Variants in KCNN2 observed in about 807,000 individuals in gnomAD.
KCNN2 encodes the protein potassium calcium-activated channel subfamily N member 2.
In KCNN2, 24 loss-of-function variants were observed where a neutral mutation model predicts 55.5. That is an observed-to-expected ratio of 0.43 (90% CI 0.31 to 0.61). The LOEUF is 0.61. Among genes scored for constraint, KCNN2 ranks in the 20% least tolerant of loss-of-function variants. KCNN2 has a pLI of 0.08. For missense variants in KCNN2, 754 were observed against 853.6 expected, an observed-to-expected ratio of 0.88 and a Z score of 1.45; for synonymous variants, 431 against 336.1, an observed-to-expected ratio of 1.28 and a Z score of -3.09.
At chr5:114,400,470 A>G (rs953616543) in intron 2 of KCNN2, among the ~76,000 whole-genome samples, 1 of 152,202 alleles carries the variant, frequency 6.6e-6, no homozygotes, top group African/African-American at 2.4e-5. Context: ...CCAGAGCAGT[A>G]TGGGTGAGCC....
intron 1 of KCNN2, among the ~76,000 whole-genome samples, chr5:114,057,384 G>C (rs1157090551): frequency 1.3e-5 from 2 of 152,204 alleles, no homozygotes; most frequent in Admixed American, 1.3e-4. Flanking sequence ...CTCAGAAACA[G>C]ATGATTAAGT....
At chr5:114,086,997 C>G (rs1052946406) in intron 1 of KCNN2, among the ~76,000 whole-genome samples, 1 of 144,220 alleles carries the variant, frequency 6.9e-6, no homozygotes, top group East Asian at 1.9e-4. Context: ...GAGATGGTAT[C>G]TCATCGTGGT....
intron 2 of KCNN2, among the ~76,000 whole-genome samples, chr5:114,382,481 G>C (rs1489140930): frequency 6.6e-6 from 1 of 152,134 alleles, no homozygotes; most frequent in Non-Finnish European, 1.5e-5. Context: ...TTACTCTCTA[G>C]TCTCGTGTTT....
intron 1 of KCNN2, among the ~76,000 whole-genome samples, chr5:114,156,385 G>A (rs1170874777): frequency 6.6e-6 from 1 of 152,044 alleles, no homozygotes. Context: ...GGTTCCCTAT[G>A]AATTTTAAAA....
At chr5:114,322,040 G>A (rs1267733743) in intron 2 of KCNN2, among the ~76,000 whole-genome samples, 1 of 152,180 alleles carries the variant, frequency 6.6e-6, no homozygotes, top group African/African-American at 2.4e-5. Context: ...CCTCAGCTTA[G>A]AAGTTTTCAA....
At chr5:114,321,647 ATTTG>A (rs1243753195) in intron 2 of KCNN2, among the ~76,000 whole-genome samples, 1 of 102,696 alleles carries the variant, frequency 9.7e-6, no homozygotes, top group Non-Finnish European at 2.0e-5. Flanking sequence ...TGTTCACTGG[ATTTG>A]TTTTTTTTTT....
intron 1 of KCNN2, among the ~76,000 whole-genome samples, chr5:114,187,888 C>T (rs529707636): frequency 3.3e-5 from 5 of 150,980 alleles, no homozygotes; most frequent in East Asian, 2.0e-4. Context: ...AATCTCGGCT[C>T]ACTGCAACCT....
chr5:114,257,057 A>T (rs1442632975), intron 2 of KCNN2, among the ~76,000 whole-genome samples: 1 of 118,632 alleles, frequency 8.4e-6, no homozygotes, highest in African/African-American at 3.2e-5. Context: ...ATAGAGGTCC[A>T]CTTTCATTCT....
chr5:114,272,309 C>T (rs796845893), intron 2 of KCNN2, among the ~76,000 whole-genome samples: 4,315 of 49,054 alleles, frequency 0.088, 345 homozygotes, highest in African/African-American at 0.2. Flanking sequence ...ACATATCACA[C>T]ACACACATAT....
chr5:114,325,264 G>A (rs938438787), intron 2 of KCNN2, among the ~76,000 whole-genome samples: 3 of 152,154 alleles, frequency 2.0e-5, no homozygotes, highest in Non-Finnish European at 2.9e-5. Flanking sequence ...TATAGCCTGG[G>A]TTATTCTTGC....
Position 114,362,523 on chromosome 5 carries a change from C to T in KCNN2, c.384C>T (p.Ser128=), listed in dbSNP as rs1057159023. The change falls in exon 1 of 8, where the codon AGC becomes AGT. Residue 128 remains serine (S), a synonymous_variant. Transcript: ENST00000673685. ...SSRRGSQLNV[S]ELTPSSHASA... is the part of the protein sequence containing the mutation. ...GCCGGGGCAGCCAGCTCAATGTGAGCGAGCTGACGCCGTCCAGCCATGCCA... is the reference window on the plus strand; with the variant it reads ...GCCGGGGCAGCCAGCTCAATGTGAGTGAGCTGACGCCGTCCAGCCATGCCA... 2 of 522,996 alleles carry T rather than the reference C, an allele frequency of 3.8e-6. No individual in the cohort carries two copies. The highest frequency in any genetic ancestry group is 3.3e-6 in the Non-Finnish European group (1 of 304,876). The allele number at this position is 522,996 out of a possible 1,614,324, so 32.4% of individuals were successfully genotyped here.
chr5:114,337,403 C>T (rs1756941045), intron 2 of KCNN2, among the ~76,000 whole-genome samples: 1 of 152,122 alleles, frequency 6.6e-6, no homozygotes, highest in Non-Finnish European at 1.5e-5. Flanking sequence ...TCCCATGTAG[C>T]TAGTGAAAAG....
intron 1 of KCNN2, among the ~76,000 whole-genome samples, chr5:114,133,398 A>G (rs1752109234): frequency 1.3e-5 from 2 of 152,322 alleles, no homozygotes; most frequent in East Asian, 1.9e-4. Context: ...TTTTCTTTGC[A>G]TAGGCAGTGA....
At chr5:114,111,383 A>G (rs2112583222) in intron 1 of KCNN2, among the ~76,000 whole-genome samples, 1 of 152,344 alleles carries the variant, frequency 6.6e-6, no homozygotes, top group East Asian at 1.9e-4. Context: ...AAACCCTAGA[A>G]GAAAACCTAG....
chr5:114,186,956 A>G (rs1753346196), intron 1 of KCNN2, among the ~76,000 whole-genome samples: 1 of 152,186 alleles, frequency 6.6e-6, no homozygotes, highest in South Asian at 2.1e-4. Context: ...TCACGAGATA[A>G]TCTCCCTATG....
In KCNN2 at chr5:114,362,730, C is replaced by G. The variant is rs1300673519; in HGVS notation, c.591C>G (p.His197Gln). Residue 197 changes from histidine (H) to glutamine (Q), a missense_variant, in exon 1 of 8, where the codon CAC (histidine) becomes CAG (glutamine). Around this residue, in one of 4 missense-constraint regions of KCNN2, gnomAD observed 381 missense variants for 259.1 expected, o/e 1.47. Coordinates refer to ENST00000673685, the MANE Select transcript of KCNN2 (RefSeq NM_021614.4). Reference sequence around the variant, plus strand: ...CGCACCCGGCGCACCACCAGCACCACCAGCCCCAGGCGCGCCGCGAGAGCA... The same window carrying G: ...CGCACCCGGCGCACCACCAGCACCAGCAGCCCCAGGCGCGCCGCGAGAGCA... Reference protein sequence around the residue: ...HHPHPAHHQHHQPQARRESNP... With the variant: ...HHPHPAHHQHQQPQARRESNP... The G allele has an allele frequency of 2.6e-6, 4 of 1,527,356 alleles. No homozygotes were observed. The highest frequency in any genetic ancestry group is 1.7e-4 in the Middle Eastern group (1 of 5,738). The allele number at this position is 1,527,356 out of a possible 1,614,324, so 94.6% of individuals were successfully genotyped here. A position where few individuals can be genotyped will look rare whatever the true frequency, so the allele number is the denominator to read the frequency against.
intron 2 of KCNN2, among the ~76,000 whole-genome samples, chr5:114,233,698 G>T (rs1754412199): frequency 6.6e-6 from 1 of 152,098 alleles, no homozygotes; most frequent in Non-Finnish European, 1.5e-5. Context: ...TTACCAATGG[G>T]CATATTTTAA....
chr5:114,058,750 A>C (rs1014197720), intron 1 of KCNN2, among the ~76,000 whole-genome samples: 2 of 152,168 alleles, frequency 1.3e-5, no homozygotes, highest in Non-Finnish European at 2.9e-5. Flanking sequence ...GTCAAGGTAA[A>C]GGGTGGAAAA....
At chr5:114,211,530 G>C (rs1329545999) in intron 1 of KCNN2, among the ~76,000 whole-genome samples, 1 of 152,100 alleles carries the variant, frequency 6.6e-6, no homozygotes, top group Admixed American at 6.6e-5. Flanking sequence ...TGGACACAAA[G>C]AGGGGAACAA....
Sources: allele counts gnomAD v4.1 joint callset (sites outside exome capture counted in the v4.1 genomes callset), GRCh38; gene constraint gnomAD v4.1.1; regional missense constraint gnomAD v4.1.1; transcripts MANE v1.5; gene names NCBI Gene and HGNC (gene_info 2026-07-23, HGNC 2026-07-21).